The following KHDRBS2 variants were observed in gnomAD, a reference collection of about 807,000 sequenced individuals.
The protein encoded by KHDRBS2 is KH domain-containing, RNA-binding, signal transduction-associated protein 2.
A neutral mutation model predicts 44.3 loss-of-function variants in KHDRBS2; 26 were observed. The observed-to-expected ratio is 0.59, with a 90% confidence interval of 0.43 to 0.81. The LOEUF is 0.81. KHDRBS2 is among the 40% of genes least tolerant of loss of function. The pLI, the probability that KHDRBS2 is intolerant of heterozygous loss-of-function variation, is 0.00. For missense variants in KHDRBS2, 476 were observed against 433.1 expected, an observed-to-expected ratio of 1.10 and a Z score of -0.88; for synonymous variants, 194 against 151.1, an observed-to-expected ratio of 1.28 and a Z score of -2.08.
chr6:61,717,453 G>A (rs1167651767), intron 7 of KHDRBS2, among the ~76,000 whole-genome samples: 1 of 152,106 alleles, frequency 6.6e-6, no homozygotes, highest in Non-Finnish European at 1.5e-5. Flanking sequence ...GAGGTCTGTA[G>A]ATGGCAGGAA....
the KHDRBS2 span, among the ~76,000 whole-genome samples, chr6:61,630,748 T>C: frequency 7.2e-5 from 11 of 152,162 alleles, no homozygotes; most frequent in Non-Finnish European, 1.5e-4. Flanking sequence ...GGGGAAAGAT[T>C]TCATCACATT....
At chr6:61,885,667 G>C (rs1800838616) in intron 6 of KHDRBS2, among the ~76,000 whole-genome samples, 1 of 152,132 alleles carries the variant, frequency 6.6e-6, no homozygotes, top group Non-Finnish European at 1.5e-5. Flanking sequence ...TTCACAGATA[G>C]TCATGCCCAC....
intron 3 of KHDRBS2, among the ~76,000 whole-genome samples, chr6:62,001,734 G>A (rs147002542): frequency 6.6e-6 from 1 of 152,060 alleles, no homozygotes; most frequent in East Asian, 1.9e-4. Context: ...ACCACACAGA[G>A]AGTCTGCAAA....
intron 1 of KHDRBS2, among the ~76,000 whole-genome samples, chr6:62,267,783 GC>G (rs1839441835): frequency 6.6e-6 from 1 of 151,954 alleles, no homozygotes; most frequent in Non-Finnish European, 1.5e-5. Context: ...ATAAAAAGAT[GC>G]TTTCAGGGAT....
chr6:61,877,242 A>G (rs1335728388), intron 6 of KHDRBS2, among the ~76,000 whole-genome samples: 1 of 151,972 alleles, frequency 6.6e-6, no homozygotes, highest in African/African-American at 2.4e-5. Context: ...GGATCTGGCT[A>G]AAAGACCCAA....
chr6:62,074,533 C>T (rs1795942480), intron 2 of KHDRBS2, among the ~76,000 whole-genome samples: 1 of 151,896 alleles, frequency 6.6e-6, no homozygotes, highest in South Asian at 2.1e-4. Context: ...GGATCAATAA[C>T]AATTTCTGGT....
At chr6:61,921,065 G>GA (rs57014191) in intron 4 of KHDRBS2, among the ~76,000 whole-genome samples, 3 of 151,944 alleles carry the variant, frequency 2.0e-5, no homozygotes, top group African/African-American at 4.8e-5. Context: ...AAATGCTCAA[G>GA]AAAAAACTTT....
chr6:61,833,159 G>A lies in KHDRBS2; in HGVS notation c.810+61476C>T, dbSNP rs538284628. On this transcript the variant is annotated intron_variant, in intron 6 of 8. Coordinates refer to ENST00000281156, the MANE Select transcript of KHDRBS2 (RefSeq NM_152688.4). ...GGTGCTTAAAAGACAAAATGGTCAG[G>A]CTCTTTACCTTAGCTATCTCAGTGT... Among the ~76,000 whole-genome samples the A allele has an allele frequency of 2.6e-5, 4 of 152,172 alleles. No homozygotes were observed. The South Asian group carries it at 8.3e-4, about 32-fold the overall frequency.
At chr6:61,910,767 T>C (rs976617220) in intron 4 of KHDRBS2, among the ~76,000 whole-genome samples, 1 of 152,182 alleles carries the variant, frequency 6.6e-6, no homozygotes, top group African/African-American at 2.4e-5. Flanking sequence ...TCAGGTTAAA[T>C]TCAGGATAGT....
At chr6:61,678,829 A>G (rs1766085791), downstream of KHDRBS2, 2 of 151,926 alleles carry the variant, frequency 1.3e-5, no homozygotes, top group South Asian at 4.1e-4. Context: ...TTCACGTTTT[A>G]TCATGGGTTC....
At chr6:62,085,426 G>T (rs1798203192) in intron 2 of KHDRBS2, among the ~76,000 whole-genome samples, 1 of 151,992 alleles carries the variant, frequency 6.6e-6, no homozygotes, top group South Asian at 2.1e-4. Flanking sequence ...AAAGGTAACT[G>T]AGAAGAATAG....
chr6:61,814,104 A>T, intron 6 of KHDRBS2: 1 of 454,896 alleles, frequency 2.2e-6, no homozygotes, highest in South Asian at 1.6e-5. Flanking sequence ...CTGACTTTTA[A>T]GTCCACTCAA....
At chr6:61,725,304 A>T (rs1489628106) in intron 7 of KHDRBS2, among the ~76,000 whole-genome samples, 4 of 152,204 alleles carry the variant, frequency 2.6e-5, no homozygotes, top group Admixed American at 1.3e-4. Flanking sequence ...TAGTGTTAAG[A>T]GGGAAATTTA....
chr6:61,630,708 G>T, the KHDRBS2 span, among the ~76,000 whole-genome samples: 1 of 152,252 alleles, frequency 6.6e-6, no homozygotes, highest in South Asian at 2.1e-4. Flanking sequence ...GAAGAGAGTG[G>T]CCTGGAAACA....
At position 62,233,604 on chromosome 6, in the gene KHDRBS2, C is replaced by G. The variant is rs542593432; in HGVS notation, c.91+52254G>C. Among the ~76,000 whole-genome samples the G allele has an allele frequency of 6.6e-5, 10 of 152,106 alleles. No homozygotes were observed. The East Asian group carries it at 1.5e-3, about 24-fold the overall frequency. ...CATCACCTAGATATTCAGCCTGGTA[C>G]GCATTGGTTGTTTTTCCTGATCCTC... On this transcript the variant is annotated intron_variant, in intron 1 of 8. Coordinates refer to ENST00000281156, the MANE Select transcript of KHDRBS2 (RefSeq NM_152688.4).
intron 1 of KHDRBS2, among the ~76,000 whole-genome samples, chr6:62,232,296 G>C (rs577404931): frequency 6.6e-6 from 1 of 151,982 alleles, no homozygotes; most frequent in East Asian, 1.9e-4. Flanking sequence ...AATATTGCCT[G>C]GTAAATAATA....
intron 6 of KHDRBS2, among the ~76,000 whole-genome samples, chr6:61,791,149 A>G (rs1310204969): frequency 6.6e-6 from 1 of 151,292 alleles, no homozygotes; most frequent in African/African-American, 2.4e-5. Context: ...TATTATTTAA[A>G]TCAGAGGTTT....
At chr6:61,645,642 T>A in the KHDRBS2 span, among the ~76,000 whole-genome samples, 1 of 152,128 alleles carries the variant, frequency 6.6e-6, no homozygotes, top group Non-Finnish European at 1.5e-5. Flanking sequence ...CCAAAAGATG[T>A]AACTGTGTGT....
At chr6:61,701,961 T>G (rs1221216051) in intron 7 of KHDRBS2, among the ~76,000 whole-genome samples, 1 of 151,970 alleles carries the variant, frequency 6.6e-6, no homozygotes, top group Non-Finnish European at 1.5e-5. Flanking sequence ...TGTGGAGATG[T>G]GCATATTTTC....
Sources: gnomAD v4.1 joint callset for allele counts (sites outside exome capture counted in the v4.1 genomes callset) on GRCh38, gnomAD v4.1.1 for gene constraint, MANE v1.5 for transcripts, NCBI Gene and HGNC (gene_info 2026-07-23, HGNC 2026-07-21) for gene names.